Variants in FSTL4 observed in about 807,000 individuals in gnomAD.
FSTL4 encodes follistatin-related protein 4.
A neutral mutation model predicts 78.2 loss-of-function variants in FSTL4; 28 were observed. The ratio of observed to expected loss-of-function variants is 0.36; its 90% CI spans 0.27 to 0.49. The LOEUF is 0.49. FSTL4 is among the 20% of genes least tolerant of loss of function. The pLI is 0.98. For missense variants in FSTL4, 922 were observed against 1,084.9 expected (o/e 0.85, Z 2.11); for synonymous variants, 422 against 440.5 (o/e 0.96, Z 0.53).
chr5:133,388,871 G>A (rs1250261061), intron 4 of FSTL4, among the ~76,000 whole-genome samples: 7 of 151,006 alleles, frequency 4.6e-5, no homozygotes, highest in African/African-American at 9.7e-5. Context: ...TCTCATTCTC[G>A]GTGTATTTGG....
chr5:133,395,518 C>G (rs760378160), intron 4 of FSTL4, among the ~76,000 whole-genome samples: 6 of 152,218 alleles, frequency 3.9e-5, no homozygotes, highest in Non-Finnish European at 8.8e-5. Flanking sequence ...GCTTCATTCT[C>G]GAAGTCAGAG....
At chr5:133,528,012 C>T (rs372264601) in intron 3 of FSTL4, among the ~76,000 whole-genome samples, 28 of 152,332 alleles carry the variant, frequency 1.8e-4, no homozygotes, top group Middle Eastern at 6.8e-3. Context: ...ACCTGGTCAT[C>T]AGGGTTAGCC....
the FSTL4 span, among the ~76,000 whole-genome samples, chr5:133,731,712 C>T: frequency 6.9e-4 from 105 of 152,248 alleles, no homozygotes; most frequent in Non-Finnish European, 1.6e-4. Context: ...GACAGAGGGG[C>T]TGCCGGCCGG....
intron 1 of FSTL4, among the ~76,000 whole-genome samples, chr5:133,608,557 GCA>G: frequency 6.6e-6 from 1 of 152,194 alleles, no homozygotes; most frequent in Non-Finnish European, 1.5e-5. Flanking sequence ...TTATATTATG[GCA>G]CACTTACATC....
chr5:133,436,300 G>C (rs1049213330), intron 3 of FSTL4, among the ~76,000 whole-genome samples: 4 of 152,144 alleles, frequency 2.6e-5, no homozygotes, highest in African/African-American at 9.7e-5. Flanking sequence ...GGACACTTGG[G>C]CTCAGCTCCA....
chr5:133,263,727 G>T (rs183404841), intron 6 of FSTL4, among the ~76,000 whole-genome samples: 41 of 152,192 alleles, frequency 2.7e-4, no homozygotes, highest in African/African-American at 9.7e-4. Context: ...AAGGATATTG[G>T]CTTGTTATGT....
intron 4 of FSTL4, among the ~76,000 whole-genome samples, chr5:133,363,290 G>GC (rs1290025121): frequency 6.6e-6 from 1 of 152,200 alleles, no homozygotes; most frequent in African/African-American, 2.4e-5. Flanking sequence ...ATTTCCATGA[G>GC]TGGGGGTGTT....
the FSTL4 span, among the ~76,000 whole-genome samples, chr5:133,813,667 G>C: frequency 3.5e-4 from 53 of 152,230 alleles, no homozygotes; most frequent in African/African-American, 1.2e-3. Context: ...CTACATTTTT[G>C]CAATACTTTC....
At chr5:133,360,311 A>G (rs1755040677) in intron 4 of FSTL4, among the ~76,000 whole-genome samples, 1 of 152,218 alleles carries the variant, frequency 6.6e-6, no homozygotes. Flanking sequence ...CCACTGTTGA[A>G]TTCAAAGCTG....
chr5:133,450,615 G>A (rs1757362960), intron 3 of FSTL4, among the ~76,000 whole-genome samples: 1 of 152,256 alleles, frequency 6.6e-6, no homozygotes, highest in South Asian at 2.1e-4. Flanking sequence ...ACATCATAAA[G>A]TTTAAATAAC....
the FSTL4 span, among the ~76,000 whole-genome samples, chr5:133,785,223 C>T: frequency 6.6e-6 from 1 of 152,194 alleles, no homozygotes; most frequent in Non-Finnish European, 1.5e-5. Flanking sequence ...AGCCCCTGTT[C>T]CTTCCTGATG....
intron 13 of FSTL4, among the ~76,000 whole-genome samples, chr5:133,213,535 G>A (rs1319120036): frequency 1.3e-5 from 2 of 152,110 alleles, no homozygotes; most frequent in African/African-American, 4.8e-5. Context: ...GTGTTTTATG[G>A]TTCTAGCATT....
intron 4 of FSTL4, among the ~76,000 whole-genome samples, chr5:133,386,867 G>A (rs1477049652): frequency 2.6e-5 from 4 of 152,168 alleles, no homozygotes; most frequent in Non-Finnish European, 4.4e-5. Context: ...GGGTTGTCAC[G>A]TCACATAGCC....
intron 3 of FSTL4, among the ~76,000 whole-genome samples, chr5:133,416,578 G>A (rs1756584722): frequency 6.6e-6 from 1 of 152,180 alleles, no homozygotes; most frequent in African/African-American, 2.4e-5. Flanking sequence ...AGTTTATAGT[G>A]GAGAAAGCTG....
the FSTL4 span, among the ~76,000 whole-genome samples, chr5:133,674,795 C>T: frequency 3.9e-5 from 6 of 152,228 alleles, no homozygotes; most frequent in South Asian, 2.1e-4. Context: ...GAAAGGGGAA[C>T]GTGCTCATAG....
intron 3 of FSTL4, among the ~76,000 whole-genome samples, chr5:133,494,945 G>A (rs371855002): frequency 1.3e-5 from 2 of 152,182 alleles, no homozygotes; most frequent in South Asian, 4.1e-4. Context: ...TGTAGGTTAC[G>A]TTTAGTAAAT....
intron 8 of FSTL4, 34 bp downstream of exon 8, chr5:133,233,383 T>G (rs763964604): frequency 3.1e-6 from 5 of 1,612,902 alleles, no homozygotes; most frequent in Non-Finnish European, 4.2e-6. Context: ...GGGGAGGCTA[T>G]GAGGGGACAA....
At chr5:133,748,964 G>T in the FSTL4 span, among the ~76,000 whole-genome samples, 3 of 152,216 alleles carry the variant, frequency 2.0e-5, no homozygotes, top group Non-Finnish European at 2.9e-5. Flanking sequence ...TGGGTAAAGA[G>T]CAGATGCATG....
At chr5:133,397,595 G>A (rs1218244817) in intron 4 of FSTL4, among the ~76,000 whole-genome samples, 2 of 152,202 alleles carry the variant, frequency 1.3e-5, no homozygotes, top group Admixed American at 6.5e-5. Context: ...CCCTTGCAGG[G>A]TGGTGAAGGC....
Sources: gnomAD v4.1 joint callset for allele counts (sites outside exome capture counted in the v4.1 genomes callset) on GRCh38, gnomAD v4.1.1 for gene constraint, MANE v1.5 for transcripts, NCBI Gene and HGNC (gene_info 2026-07-23, HGNC 2026-07-21) for gene names.